Variants in SLC44A5 observed in about 807,000 individuals in gnomAD.
SLC44A5 encodes the protein solute carrier family 44 member 5, also known as choline transporter-like protein 5.
SLC44A5 carries 57 observed loss-of-function variants against 101.8 expected under a neutral mutation model. The ratio of observed to expected loss-of-function variants is 0.56; its 90% CI spans 0.45 to 0.70. The LOEUF (loss-of-function observed/expected upper bound fraction) is 0.70. SLC44A5 is among the 30% of genes least tolerant of loss of function. The pLI is 0.00. For missense variants in SLC44A5, 737 were observed against 853.1 expected (o/e 0.86, Z 1.70); for synonymous variants, 281 against 290.9 (o/e 0.97, Z 0.35).
chr1:75,348,277 A>G (rs1658400918), intron 3 of SLC44A5, among the ~76,000 whole-genome samples: 1 of 152,182 alleles, frequency 6.6e-6, no homozygotes, highest in Non-Finnish European at 1.5e-5. Flanking sequence ...GCCAAAATAC[A>G]GGAAAAGGGA....
intron 2 of SLC44A5, among the ~76,000 whole-genome samples, chr1:75,428,707 C>T (rs1043927642): frequency 2.6e-5 from 4 of 152,174 alleles, no homozygotes; most frequent in Non-Finnish European, 5.9e-5. Flanking sequence ...GATACACATA[C>T]CACCTGTGTA....
At position 75,434,022 on chromosome 1, in the gene SLC44A5, C is replaced by A. The variant is rs554927193; in HGVS notation, c.14-37401G>T. On this transcript the variant is annotated intron_variant, in intron 2 of 23. Coordinates refer to ENST00000370859, the MANE Select transcript of SLC44A5 (RefSeq NM_001130058.2). ...ACGCCCATGATTAAATTATCTCCAA[C>A]TGGGCCCCTCCCGCAACACATGGGA... Among the ~76,000 whole-genome samples, 5 of 152,194 alleles carry A rather than the reference C, an allele frequency of 3.3e-5. No individual in the cohort carries two copies. In the East Asian group the frequency reaches 7.7e-4, roughly 23 times the overall value.
At chr1:75,556,321 A>G (rs1164384757) in intron 1 of SLC44A5, among the ~76,000 whole-genome samples, 2 of 152,158 alleles carry the variant, frequency 1.3e-5, no homozygotes, top group Non-Finnish European at 2.9e-5. Context: ...ACCTCAACAA[A>G]ACTATCTTAA....
At chr1:75,265,033 A>G (rs895331964) in intron 6 of SLC44A5, among the ~76,000 whole-genome samples, 1 of 152,200 alleles carries the variant, frequency 6.6e-6, no homozygotes, top group African/African-American at 2.4e-5. Flanking sequence ...TCATGGACAC[A>G]TATAACCTAC....
intron 11 of SLC44A5, among the ~76,000 whole-genome samples, chr1:75,235,388 T>G (rs555297488): frequency 1.9e-4 from 29 of 152,110 alleles, no homozygotes; most frequent in Admixed American, 1.4e-3. Context: ...GGTTTCATTG[T>G]GTGTTTTGGG....
intron 2 of SLC44A5, among the ~76,000 whole-genome samples, chr1:75,426,206 A>C (rs1198388825): frequency 6.6e-6 from 1 of 152,246 alleles, no homozygotes; most frequent in African/African-American, 2.4e-5. Flanking sequence ...GGTTCTTACA[A>C]AATTTAGAAG....
chr1:75,566,600 A>G (rs559890875), intron 1 of SLC44A5, among the ~76,000 whole-genome samples: 12 of 152,336 alleles, frequency 7.9e-5, no homozygotes, highest in South Asian at 2.1e-4. Flanking sequence ...TCAAACATGT[A>G]TATGCATTTG....
intron 1 of SLC44A5, among the ~76,000 whole-genome samples, chr1:75,595,772 T>C (rs376343939): frequency 1.4e-4 from 22 of 152,330 alleles, no homozygotes; most frequent in African/African-American, 5.1e-4. Context: ...TAGAAAGATT[T>C]ACTAGTCTCT....
intron 1 of SLC44A5, chr1:75,582,208 G>A (rs1214690917): frequency 9.4e-7 from 1 of 1,062,690 alleles, no homozygotes; most frequent in Non-Finnish European, 1.4e-6. Flanking sequence ...TGGACCCCAA[G>A]TTCCTGAGGA....
Position 75,391,745 on chromosome 1 carries a change from T to G in SLC44A5, c.52+4838A>C, listed in dbSNP as rs1570115622. Among the ~76,000 whole-genome samples the G allele has an allele frequency of 2.6e-5, 4 of 152,328 alleles. No individual in the cohort carries two copies. In the South Asian group the frequency reaches 8.3e-4, roughly 32 times the overall value. ...ACTCGTGATGGATTGAATATTTAAA[T>G]GTAAGACCTCAAACTATAAGAATAC... On this transcript the variant is annotated intron_variant, in intron 3 of 23. Transcript: ENST00000370859.
chr1:75,462,606 G>A (rs77488164), intron 2 of SLC44A5, among the ~76,000 whole-genome samples: 35,586 of 151,902 alleles, frequency 0.23, 4,288 homozygotes, highest in African/African-American at 0.27. Flanking sequence ...TTCAAAAGCT[G>A]TTTTGAGGAA....
the SLC44A5 span, among the ~76,000 whole-genome samples, chr1:75,712,827 G>A: frequency 6.6e-6 from 1 of 150,424 alleles, no homozygotes; most frequent in African/African-American, 2.4e-5. Context: ...AAAAAAATAT[G>A]AATGCTACCA....
the SLC44A5 span, among the ~76,000 whole-genome samples, chr1:75,681,661 G>C: frequency 6.7e-6 from 1 of 149,062 alleles, no homozygotes; most frequent in African/African-American, 2.5e-5. Context: ...ATACTGAATG[G>C]GCAAAAACTG....
intron 2 of SLC44A5, among the ~76,000 whole-genome samples, chr1:75,494,188 T>G (rs1008207194): frequency 1.3e-5 from 2 of 152,162 alleles, no homozygotes; most frequent in Non-Finnish European, 2.9e-5. Flanking sequence ...AGGAATGCCT[T>G]TGCCAGATGC....
chr1:75,259,950 A>G (rs1279871757), intron 6 of SLC44A5, among the ~76,000 whole-genome samples: 2 of 152,156 alleles, frequency 1.3e-5, no homozygotes, highest in Non-Finnish European at 2.9e-5. Flanking sequence ...AGTGAAGGAG[A>G]AATAAAATCT....
intron 2 of SLC44A5, among the ~76,000 whole-genome samples, chr1:75,449,830 G>A (rs780186735): frequency 1.3e-5 from 2 of 151,932 alleles, no homozygotes; most frequent in Admixed American, 6.6e-5. Flanking sequence ...GTGAAACTTC[G>A]TCTCTACTAA....
the SLC44A5 span, among the ~76,000 whole-genome samples, chr1:75,686,731 A>G: frequency 3.3e-5 from 5 of 152,236 alleles, no homozygotes; most frequent in African/African-American, 1.2e-4. Flanking sequence ...ATTGGAAGCT[A>G]TTACAACACA....
At chr1:75,536,820 A>C (rs1440509104) in intron 2 of SLC44A5, among the ~76,000 whole-genome samples, 2 of 140,808 alleles carry the variant, frequency 1.4e-5, no homozygotes, top group Non-Finnish European at 3.1e-5. Flanking sequence ...TCCCGGCTAA[A>C]ACGGTGAAAC....
At chr1:75,349,217 T>C (rs980718285) in intron 3 of SLC44A5, among the ~76,000 whole-genome samples, 1 of 152,062 alleles carries the variant, frequency 6.6e-6, no homozygotes, top group Non-Finnish European at 1.5e-5. Flanking sequence ...TGCACACCTG[T>C]AGTCCCAGCG....
Sources: gnomAD v4.1 joint callset for allele counts (sites outside exome capture counted in the v4.1 genomes callset) on GRCh38, gnomAD v4.1.1 for gene constraint, MANE v1.5 for transcripts, NCBI Gene and HGNC (gene_info 2026-07-23, HGNC 2026-07-21) for gene names.